The following ADGRB3 variants were observed in gnomAD, a reference collection of about 807,000 sequenced individuals.
ADGRB3 encodes the protein brain-specific angiogenesis inhibitor 3.
A neutral mutation model predicts 193.4 loss-of-function variants in ADGRB3; 37 were observed. The observed-to-expected ratio is 0.19, with a 90% confidence interval of 0.15 to 0.25. The LOEUF is 0.25. Ranked by LOEUF, ADGRB3 falls within the 10% of genes least tolerant of loss-of-function variation. ADGRB3 has a pLI of 1.00. For synonymous variants in ADGRB3, 690 were observed against 644.2 expected (o/e 1.07, Z -1.08); for missense variants, 1,637 against 1,852.9 (o/e 0.88, Z 2.14).
chr6:69,008,285 C>A (rs554010722), intron 11 of ADGRB3, among the ~76,000 whole-genome samples: 1 of 152,250 alleles, frequency 6.6e-6, no homozygotes, highest in East Asian at 1.9e-4. Context: ...TGTTCACTAT[C>A]ATATTCACAG....
At chr6:69,274,475 T>TCCTTCCTTCCTTCCTTCCTTCCTTCATC (rs1057078353) in intron 20 of ADGRB3, among the ~76,000 whole-genome samples, 1 of 115,920 alleles carries the variant, frequency 8.6e-6, no homozygotes, top group Non-Finnish European at 1.7e-5. Context: ...CTTCCTTCCT[T>TCCTTCCTTCCTTCCTTCCTTCCTTCATC]CCTCCCTCCC....
At chr6:69,203,451 G>GAT (rs533988797) in intron 17 of ADGRB3, among the ~76,000 whole-genome samples, 1 of 146,828 alleles carries the variant, frequency 6.8e-6, no homozygotes, top group Non-Finnish European at 1.5e-5. Flanking sequence ...CATTGTTTTT[G>GAT]TTTTTTTTTT....
intron 17 of ADGRB3, among the ~76,000 whole-genome samples, chr6:69,126,292 TATGAG>T (rs1773849678): frequency 6.6e-6 from 1 of 151,668 alleles, no homozygotes; most frequent in Non-Finnish European, 1.5e-5. Flanking sequence ...GATAAAGACA[TATGAG>T]AGGAGATTTG....
At chr6:69,325,091 A>C (rs181083793) in intron 21 of ADGRB3, 69 bp downstream of exon 21, 1 of 1,504,800 alleles carries the variant, frequency 6.6e-7, no homozygotes, top group African/African-American at 1.4e-5. Flanking sequence ...GAAAGCAGTC[A>C]TGAGTGATTA....
chr6:69,110,884 A>T (rs1043568006), intron 17 of ADGRB3, among the ~76,000 whole-genome samples: 8 of 152,230 alleles, frequency 5.3e-5, no homozygotes, highest in African/African-American at 1.9e-4. Flanking sequence ...ATGCATGATT[A>T]GACTTGCCAT....
intron 5 of ADGRB3, 141 bp downstream of exon 5, chr6:68,936,821 T>C: frequency 3.1e-6 from 3 of 974,370 alleles, no homozygotes; most frequent in South Asian, 4.5e-5. Flanking sequence ...TCAACTGTAA[T>C]ATTTTAAGAT....
At chr6:68,978,285 G>A (rs1048197632) in intron 10 of ADGRB3, among the ~76,000 whole-genome samples, 1 of 150,356 alleles carries the variant, frequency 6.7e-6, no homozygotes, top group Non-Finnish European at 1.5e-5. Flanking sequence ...AGATAAATTA[G>A]ATATGGATAG....
chr6:68,911,161 G>C (rs1433915609), intron 3 of ADGRB3, among the ~76,000 whole-genome samples: 2 of 150,732 alleles, frequency 1.3e-5, no homozygotes, highest in Non-Finnish European at 2.9e-5. Context: ...GCAAACTATA[G>C]CAAGGACAAA....
intron 3 of ADGRB3, among the ~76,000 whole-genome samples, chr6:68,665,236 G>A (rs907945000): frequency 2.0e-5 from 3 of 151,736 alleles, no homozygotes; most frequent in African/African-American, 7.3e-5. Context: ...ATCCCTGAAA[G>A]TATAGTCTTG....
rs1488455355 is a variant in ADGRB3, at chr6:68,998,580, CTCTG to C, written c.1929+4624_1929+4627del. On this transcript the variant is annotated intron_variant, in intron 11 of 31. Coordinates refer to ENST00000370598, the MANE Select transcript of ADGRB3 (RefSeq NM_001704.3). Reference sequence around the variant, plus strand: ...CAAAGCTGTTTCCCTTCATTCATTACTCTGTCTGTGTGTAGCCACTTAACTCTTT... The same window carrying C: ...CAAAGCTGTTTCCCTTCATTCATTACTCTGTGTGTAGCCACTTAACTCTTT... Among the ~76,000 whole-genome samples the C allele has an allele frequency of 1.1e-4, 16 of 152,208 alleles. No homozygotes were observed. The East Asian group carries it at 1.2e-3, about 11-fold the overall frequency.
chr6:68,974,436 C>T lies in ADGRB3; in HGVS notation c.1526-327C>T, dbSNP rs946842904. Among the ~76,000 whole-genome samples the T allele has an allele frequency of 3.9e-5, 6 of 152,048 alleles. No homozygotes were observed. The East Asian group carries it at 1.2e-3, about 29-fold the overall frequency. On this transcript the variant is annotated intron_variant, in intron 8 of 31. Coordinates refer to ENST00000370598, the MANE Select transcript of ADGRB3 (RefSeq NM_001704.3). ...ACTTTGGGAGAAGCTCAAGATGAGC[C>T]TGGCAACATAAGGAGACCCTTTCTC...
chr6:68,666,392 T>C (rs1167813070), intron 3 of ADGRB3, among the ~76,000 whole-genome samples: 1 of 151,956 alleles, frequency 6.6e-6, no homozygotes, highest in Non-Finnish European at 1.5e-5. Context: ...TCTATTCATG[T>C]GACTGTTCCC....
intron 17 of ADGRB3, among the ~76,000 whole-genome samples, chr6:69,136,635 T>A (rs759290952): frequency 4.5e-5 from 1 of 22,140 alleles, no homozygotes; most frequent in Non-Finnish European, 1.5e-4. Context: ...CAACCCACCA[T>A]TTTTTTTTCT....
chr6:69,074,193 A>C (rs770598976), intron 16 of ADGRB3, among the ~76,000 whole-genome samples: 1 of 152,112 alleles, frequency 6.6e-6, no homozygotes, highest in African/African-American at 2.4e-5. Flanking sequence ...GTGGCCTTTC[A>C]GGGAATTTTT....
At chr6:68,661,953 A>C (rs1426657315) in intron 3 of ADGRB3, among the ~76,000 whole-genome samples, 2 of 151,460 alleles carry the variant, frequency 1.3e-5, no homozygotes, top group Admixed American at 1.3e-4. Flanking sequence ...AGTTTGAGAC[A>C]TTTAAAGTGA....
chr6:69,069,722 C>A, intron 16 of ADGRB3, among the ~76,000 whole-genome samples: 3 of 116,834 alleles, frequency 2.6e-5, no homozygotes, highest in Middle Eastern at 4.1e-3. Context: ...CAGAGTGAGA[C>A]TCTCTCATTA....
intron 3 of ADGRB3, among the ~76,000 whole-genome samples, chr6:68,904,056 AGGGAAGG>A (rs1208956575): frequency 1.5e-3 from 174 of 112,844 alleles, no homozygotes; most frequent in Non-Finnish European, 2.7e-3. Context: ...GGAGGGAAGG[AGGGAAGG>A]AGGGAAGGAG....
chr6:69,232,628 A>G (rs1332646213), intron 17 of ADGRB3: 3 of 1,535,506 alleles, frequency 2.0e-6, no homozygotes, highest in Non-Finnish European at 1.7e-6. Flanking sequence ...TAGGAAGCTT[A>G]GGTCTGAAAC....
At chr6:69,131,399 T>C (rs968408101) in intron 17 of ADGRB3, among the ~76,000 whole-genome samples, 7 of 92,966 alleles carry the variant, frequency 7.5e-5, no homozygotes, top group Non-Finnish European at 1.8e-4. Flanking sequence ...AGCACAAGGA[T>C]TTTTTTTTCT....
Sources: gnomAD v4.1 joint callset for allele counts (sites outside exome capture counted in the v4.1 genomes callset) on GRCh38, gnomAD v4.1.1 for gene constraint, MANE v1.5 for transcripts, NCBI Gene and HGNC (gene_info 2026-07-23, HGNC 2026-07-21) for gene names.